MDGA2: variants seen among roughly 807,000 people sequenced by gnomAD.
MDGA2 encodes MAM domain containing glycosylphosphatidylinositol anchor 2.
A neutral mutation model predicts 117.8 loss-of-function variants in MDGA2; 40 were observed. That is an observed-to-expected ratio of 0.34 (90% CI 0.26 to 0.44). The LOEUF is 0.44. MDGA2 is among the 20% of genes least tolerant of loss of function. The pLI, the probability that MDGA2 is intolerant of heterozygous loss-of-function variation, is 1.00. For missense variants in MDGA2, 1,123 were observed against 1,250.6 expected, an observed-to-expected ratio of 0.90 and a Z score of 1.54; for synonymous variants, 452 against 439.0, an observed-to-expected ratio of 1.03 and a Z score of -0.37.
intron 1 of MDGA2, among the ~76,000 whole-genome samples, chr14:47,595,540 CA>C (rs1896522930): frequency 2.5e-5 from 1 of 40,792 alleles, no homozygotes; most frequent in South Asian, 8.0e-4. Context: ...CTAAAAAAAC[CA>C]AAAAACAAAA....
At chr14:47,538,704 TTCTC>T (rs1226955815) in intron 1 of MDGA2, among the ~76,000 whole-genome samples, 1 of 152,092 alleles carries the variant, frequency 6.6e-6, no homozygotes, top group Non-Finnish European at 1.5e-5. Context: ...TTCTTTCTTT[TTCTC>T]TCTCTCTCCC....
At chr14:46,971,525 A>G (rs1438489588) in intron 8 of MDGA2, among the ~76,000 whole-genome samples, 1 of 152,056 alleles carries the variant, frequency 6.6e-6, no homozygotes, top group Non-Finnish European at 1.5e-5. Context: ...ATGGAGATAG[A>G]GTATAGATAG....
rs143936895 is a variant in MDGA2 at position 47,135,017 on chromosome 14, TTC to T, written c.793-3173_793-3172del. On this transcript the variant is annotated intron_variant, in intron 4 of 16. Coordinates refer to ENST00000399232, the MANE Select transcript of MDGA2 (RefSeq NM_001113498.3). ...CCTTGTTTCTGTTTCCACTGACAAA[TTC>T]TGTTTCAATTTGCATTTTCTGAATA... Among the ~76,000 whole-genome samples the T allele has an allele frequency of 8.6e-3, 1,311 of 152,194 alleles. 22 individuals carry two copies. Among genetic ancestry groups the T allele is most frequent in the African/African-American group, 0.029 (1,212 of 41,558 alleles).
chr14:47,353,422 C>T (rs776850603), intron 1 of MDGA2, among the ~76,000 whole-genome samples: 20 of 152,154 alleles, frequency 1.3e-4, no homozygotes, highest in Non-Finnish European at 2.8e-4. Flanking sequence ...CCTTGACTAC[C>T]TCTCCTGCCT....
At chr14:47,666,230 G>C (rs1897957622) in intron 1 of MDGA2, among the ~76,000 whole-genome samples, 1 of 147,038 alleles carries the variant, frequency 6.8e-6, no homozygotes. Flanking sequence ...CTAAGGGATT[G>C]TGAATACACC....
Position 47,527,393 on chromosome 14 carries a change from G to C in MDGA2, c.280+147124C>G, listed in dbSNP as rs1894994504. Among the ~76,000 whole-genome samples, 2 of 152,132 alleles carry C rather than the reference G, an allele frequency of 1.3e-5. 1 individual carries two copies. The highest frequency in any genetic ancestry group is 4.1e-4 in the South Asian group (2 of 4,830). ...GGATTCTTGGAAGGAACAAAAGAAAGGAGGATGGAAGGAGTAGAAAAAGGA... is the reference window on the plus strand; with the variant it reads ...GGATTCTTGGAAGGAACAAAAGAAACGAGGATGGAAGGAGTAGAAAAAGGA... On this transcript the variant is annotated intron_variant, in intron 1 of 16. Coordinates refer to ENST00000399232, the MANE Select transcript of MDGA2 (RefSeq NM_001113498.3).
intron 10 of MDGA2, among the ~76,000 whole-genome samples, chr14:46,918,850 C>T (rs1884008654): frequency 6.6e-6 from 1 of 150,772 alleles, no homozygotes; most frequent in South Asian, 2.1e-4. Flanking sequence ...CAAACTCCGC[C>T]TCCCAGGTTC....
In MDGA2 at chr14:47,561,165, TTTTTTGTTTGTTTG is replaced by T; in HGVS notation, c.280+113338_280+113351del. On this transcript the variant is annotated intron_variant, in intron 1 of 16. Coordinates refer to ENST00000399232, the MANE Select transcript of MDGA2 (RefSeq NM_001113498.3). ...TGTTTTTTTTTTTGTTTTGTTTTGTTTTTTTGTTTGTTTGTTTTTTTTTGCTTAGGATTGCCTTA... is the reference window on the plus strand; with the variant it reads ...TGTTTTTTTTTTTGTTTTGTTTTGTTTTTTTTTTTGCTTAGGATTGCCTTA... Among the ~76,000 whole-genome samples, 16 of 108,152 alleles carry T rather than the reference TTTTTTGTTTGTTTG, an allele frequency of 1.5e-4. 2 individuals carry two copies. Among genetic ancestry groups the T allele is most frequent in the Non-Finnish European group, 1.4e-4 (7 of 51,542 alleles). 71.0% of individuals were successfully genotyped at this position (108,152 alleles called of 152,430 possible). A position where few individuals can be genotyped will look rare whatever the true frequency, so the allele number is the denominator to read the frequency against.
intron 8 of MDGA2, among the ~76,000 whole-genome samples, chr14:46,973,786 C>A (rs1279145709): frequency 5.9e-5 from 9 of 152,008 alleles, no homozygotes; most frequent in Non-Finnish European, 1.0e-4. Flanking sequence ...ATGCAGAAAA[C>A]CCTGAAGATT....
chr14:47,254,762 T>C (rs1283333247), intron 2 of MDGA2, among the ~76,000 whole-genome samples: 1 of 152,198 alleles, frequency 6.6e-6, no homozygotes, highest in Non-Finnish European at 1.5e-5. Flanking sequence ...CAATTTACTG[T>C]ATTAGTCCAT....
At chr14:47,086,451 T>C (rs1353003402) in intron 6 of MDGA2, among the ~76,000 whole-genome samples, 6 of 152,052 alleles carry the variant, frequency 3.9e-5, no homozygotes, top group African/African-American at 7.2e-5. Flanking sequence ...AACAGAAAAT[T>C]TGTCAGGTTG....
At chr14:46,903,136 T>C (rs1208794863) in intron 10 of MDGA2, among the ~76,000 whole-genome samples, 1 of 152,050 alleles carries the variant, frequency 6.6e-6, no homozygotes, top group Non-Finnish European at 1.5e-5. Context: ...AGAGTTTTTG[T>C]TGTTGTTGTT....
chr14:47,179,090 T>C (rs1007228810), intron 3 of MDGA2, among the ~76,000 whole-genome samples: 2 of 152,100 alleles, frequency 1.3e-5, no homozygotes, highest in Non-Finnish European at 2.9e-5. Flanking sequence ...GTTGACAACC[T>C]ACTGTGCCTA....
intron 8 of MDGA2, among the ~76,000 whole-genome samples, chr14:47,010,699 A>G (rs2138532106): frequency 6.6e-6 from 1 of 152,178 alleles, no homozygotes; most frequent in South Asian, 2.1e-4. Flanking sequence ...TTTGCATTGC[A>G]TTAATGACAT....
At chr14:47,324,786 C>T (rs887401811) in intron 1 of MDGA2, among the ~76,000 whole-genome samples, 5 of 151,588 alleles carry the variant, frequency 3.3e-5, no homozygotes, top group Admixed American at 6.6e-5. Context: ...ATCTCACCCT[C>T]GTGAAACAGA....
intron 10 of MDGA2, among the ~76,000 whole-genome samples, chr14:46,914,085 G>A (rs1042219803): frequency 2.0e-5 from 3 of 152,038 alleles, no homozygotes; most frequent in African/African-American, 4.8e-5. Context: ...ATAAAATTGT[G>A]TATTATTTAA....
At chr14:47,580,946 A>G (rs1384695471) in intron 1 of MDGA2, among the ~76,000 whole-genome samples, 1 of 152,064 alleles carries the variant, frequency 6.6e-6, no homozygotes, top group Non-Finnish European at 1.5e-5. Flanking sequence ...GTCATTTTAG[A>G]AAAGAAAAAT....
chr14:47,173,247 T>G (rs533991606), intron 3 of MDGA2, among the ~76,000 whole-genome samples: 23 of 152,294 alleles, frequency 1.5e-4, no homozygotes, highest in Admixed American at 1.4e-3. Flanking sequence ...CCAGGAGAAC[T>G]TCCCCAATCT....
At chr14:46,964,755 T>C (rs1054386165) in intron 8 of MDGA2, among the ~76,000 whole-genome samples, 21 of 152,134 alleles carry the variant, frequency 1.4e-4, no homozygotes, top group African/African-American at 4.8e-4. Context: ...GTTAAGTGAA[T>C]ACAGTCTTTG....
Sources: gnomAD v4.1 joint callset for allele counts (sites outside exome capture counted in the v4.1 genomes callset) on GRCh38, gnomAD v4.1.1 for gene constraint, MANE v1.5 for transcripts, NCBI Gene and HGNC (gene_info 2026-07-23, HGNC 2026-07-21) for gene names.